SLC24A2: variants seen among roughly 807,000 people sequenced by gnomAD.
SLC24A2 encodes sodium/potassium/calcium exchanger 2.
In SLC24A2, 36 loss-of-function variants were observed where a neutral mutation model predicts 62.0. That is an observed-to-expected ratio of 0.58 (90% CI 0.44 to 0.77). The LOEUF (loss-of-function observed/expected upper bound fraction) is 0.77. Among genes scored for constraint, SLC24A2 ranks in the 30% least tolerant of loss-of-function variants. The pLI is 0.00. For synonymous variants in SLC24A2, 358 were observed against 294.0 expected (o/e 1.22, Z -2.23); for missense variants, 846 against 817.9 (o/e 1.03, Z -0.42).
At chr9:19,799,732 T>C in the SLC24A2 span, among the ~76,000 whole-genome samples, 8 of 152,218 alleles carry the variant, frequency 5.3e-5, no homozygotes, top group Non-Finnish European at 8.8e-5. Context: ...TGTTTAATAA[T>C]TTGGTGTTTA....
At chr9:19,709,172 C>T (rs550219730) in intron 2 of SLC24A2, among the ~76,000 whole-genome samples, 3 of 152,096 alleles carry the variant, frequency 2.0e-5, no homozygotes, top group Admixed American at 2.0e-4. Context: ...CATCACTGGC[C>T]ATCAGAGAAA....
At chr9:20,084,971 A>G in the SLC24A2 span, among the ~76,000 whole-genome samples, 2 of 152,172 alleles carry the variant, frequency 1.3e-5, no homozygotes, top group Admixed American at 6.5e-5. Flanking sequence ...TGCAAAAGAC[A>G]GGGCAAGTCT....
chr9:20,247,669 T>A, the SLC24A2 span, among the ~76,000 whole-genome samples: 1 of 152,202 alleles, frequency 6.6e-6, no homozygotes, highest in Non-Finnish European at 1.5e-5. Flanking sequence ...TAGCCAAAAG[T>A]CTATAGTATG....
the SLC24A2 span, among the ~76,000 whole-genome samples, chr9:19,846,188 G>T: frequency 6.6e-6 from 1 of 151,984 alleles, no homozygotes; most frequent in South Asian, 2.1e-4. Flanking sequence ...TTTTCAGTGG[G>T]GTGTTGAAGT....
In SLC24A2 at chr9:19,738,959, A is replaced by C. The variant is rs540034337; in HGVS notation, c.930+46978T>G. ...TGGTGAAATCCCACCTCTACTAATA[A>C]TACAAAAATTAGCCAGGCATGGTGG... On this transcript the variant is annotated intron_variant, in intron 2 of 10. Transcript: ENST00000341998. Among the ~76,000 whole-genome samples, 3 of 152,246 alleles carry C rather than the reference A, an allele frequency of 2.0e-5. No individual in the cohort carries two copies. In the South Asian group the frequency reaches 6.2e-4, roughly 32 times the overall value.
chr9:19,916,037 G>A, the SLC24A2 span, among the ~76,000 whole-genome samples: 25 of 152,072 alleles, frequency 1.6e-4, no homozygotes, highest in East Asian at 4.4e-3. Flanking sequence ...TACAGGTTTA[G>A]CACTTATATT....
intron 2 of SLC24A2, among the ~76,000 whole-genome samples, chr9:19,722,672 A>G (rs1821061809): frequency 6.6e-6 from 1 of 151,326 alleles, no homozygotes; most frequent in African/African-American, 2.4e-5. Context: ...AAAAAAAACC[A>G]CGATATTCAA....
At chr9:20,181,681 G>A in the SLC24A2 span, among the ~76,000 whole-genome samples, 1 of 152,116 alleles carries the variant, frequency 6.6e-6, no homozygotes, top group Non-Finnish European at 1.5e-5. Context: ...CCATACAAAT[G>A]CTAGAAGAAA....
chr9:19,551,472 C>G (rs1294010145), intron 7 of SLC24A2, among the ~76,000 whole-genome samples: 2 of 152,178 alleles, frequency 1.3e-5, no homozygotes, highest in Non-Finnish European at 1.5e-5. Flanking sequence ...ACTTCCAAAA[C>G]AGCACTGTAG....
chr9:20,011,321 A>G, the SLC24A2 span, among the ~76,000 whole-genome samples: 1 of 151,912 alleles, frequency 6.6e-6, no homozygotes, highest in South Asian at 2.1e-4. Context: ...GTGAGATGGT[A>G]TCTCACTGTG....
At chr9:19,605,003 A>G (rs1836944272) in intron 4 of SLC24A2, among the ~76,000 whole-genome samples, 1 of 152,262 alleles carries the variant, frequency 6.6e-6, no homozygotes, top group South Asian at 2.1e-4. Context: ...CCTATTAAAT[A>G]CTAGACTGTA....
At chr9:20,210,194 G>A in the SLC24A2 span, among the ~76,000 whole-genome samples, 1 of 152,162 alleles carries the variant, frequency 6.6e-6, no homozygotes, top group Non-Finnish European at 1.5e-5. Context: ...TTGGGGGACA[G>A]GTTTAACACC....
intron 2 of SLC24A2, among the ~76,000 whole-genome samples, chr9:19,698,642 G>C (rs77820528): frequency 0.021 from 3,227 of 152,244 alleles, 111 homozygotes; most frequent in African/African-American, 0.074. Flanking sequence ...GTGCCATGCA[G>C]TGTGCACTCT....
chr9:20,025,404 G>A, the SLC24A2 span, among the ~76,000 whole-genome samples: 4 of 152,074 alleles, frequency 2.6e-5, no homozygotes. Context: ...ATATTGACTG[G>A]CCTAGAAGTA....
chr9:19,559,305 C>A (rs1835276125), intron 7 of SLC24A2, among the ~76,000 whole-genome samples: 1 of 152,126 alleles, frequency 6.6e-6, no homozygotes, highest in Non-Finnish European at 1.5e-5. Flanking sequence ...TCCACTTACC[C>A]AATATTTATC....
the SLC24A2 span, among the ~76,000 whole-genome samples, chr9:20,090,001 GC>G: frequency 6.6e-6 from 1 of 152,070 alleles, no homozygotes; most frequent in Non-Finnish European, 1.5e-5. Context: ...AAGCCCCTCT[GC>G]CCCTTTCTCT....
the SLC24A2 span, among the ~76,000 whole-genome samples, chr9:20,051,847 T>C: frequency 6.6e-6 from 1 of 151,886 alleles, no homozygotes; most frequent in Non-Finnish European, 1.5e-5. Flanking sequence ...GCTTTCATTG[T>C]TTACAAGGAC....
chr9:19,977,067 T>G, the SLC24A2 span, among the ~76,000 whole-genome samples: 2 of 151,982 alleles, frequency 1.3e-5, no homozygotes, highest in African/African-American at 4.8e-5. Flanking sequence ...TAAAATAAGT[T>G]TTTGTGACAT....
At chr9:19,903,213 G>T in the SLC24A2 span, among the ~76,000 whole-genome samples, 9 of 152,204 alleles carry the variant, frequency 5.9e-5, no homozygotes, top group South Asian at 1.5e-3. Context: ...AGTTGTAAAG[G>T]CTGGAAGTCT....
Sources: gnomAD v4.1 joint callset for allele counts (sites outside exome capture counted in the v4.1 genomes callset) on GRCh38, gnomAD v4.1.1 for gene constraint, MANE v1.5 for transcripts, NCBI Gene and HGNC (gene_info 2026-07-23, HGNC 2026-07-21) for gene names.